The following NOVA1 variants were observed in gnomAD, a reference collection of about 807,000 sequenced individuals.
NOVA1 encodes the protein NOVA alternative splicing regulator 1.
NOVA1 carries 7 observed loss-of-function variants against 38.0 expected under a neutral mutation model. The ratio of observed to expected loss-of-function variants is 0.18; its 90% CI spans 0.10 to 0.35. The LOEUF is 0.35. Ranked by LOEUF, NOVA1 falls within the 10% of genes least tolerant of loss-of-function variation. The pLI is 1.00. For synonymous variants in NOVA1, 270 were observed against 232.5 expected (o/e 1.16, Z -1.47); for missense variants, 460 against 616.0 (o/e 0.75, Z 2.68).
At chr14:26,500,127 T>C (rs1166070118) in intron 2 of NOVA1, among the ~76,000 whole-genome samples, 1 of 152,078 alleles carries the variant, frequency 6.6e-6, no homozygotes, top group African/African-American at 2.4e-5. Context: ...GTCTAGATTA[T>C]GTGTTCTTTC....
At chr14:26,450,847 A>AT (rs1882610699) in intron 4 of NOVA1, among the ~76,000 whole-genome samples, 1 of 152,178 alleles carries the variant, frequency 6.6e-6, no homozygotes, top group Non-Finnish European at 1.5e-5. Context: ...ATATGATTGT[A>AT]TTTTTATGGA....
At chr14:26,596,959 A>AG in intron 1 of NOVA1, 5 of 1,211,098 alleles carry the variant, frequency 4.1e-6, no homozygotes, top group Non-Finnish European at 5.2e-6. Context: ...CTCCGGGGTC[A>AG]TCCTCCTCCT....
At position 26,495,680 on chromosome 14, in the gene NOVA1, C is replaced by T. The variant is rs181107003; in HGVS notation, c.281-15537G>A. On this transcript the variant is annotated intron_variant, in intron 2 of 4. Coordinates refer to ENST00000539517, the MANE Select transcript of NOVA1 (RefSeq NM_002515.3). ...CCCCACAACAGTCCCCAGAGTGTGA[C>T]GTTCCCCTTCCTGTGTCCATGTATT... 2.6e-4 allele frequency among the ~76,000 whole-genome samples: 37 copies of T among 141,782 alleles called. No homozygotes were observed. In the East Asian group the frequency reaches 2.8e-3, roughly 11 times the overall value. The allele number at this position is 141,782 out of a possible 152,430, so 93.0% of individuals were successfully genotyped here.
rs1369837333 is a variant in NOVA1, at chr14:26,597,684, G to A, written c.-248C>T. On this transcript the variant is annotated 5_prime_UTR_variant, in exon 1 of 5. Transcript: ENST00000539517. ...GTCAGAAAGGAGACAGGGGAATGGA[G>A]GGGGTGTGAGAGACGGAGGGTGAAA... 2.5e-6 allele frequency: 3 copies of A among 1,179,130 alleles called. No homozygotes were observed. Among genetic ancestry groups the A allele is most frequent in the Non-Finnish European group, 3.1e-6 (3 of 956,984 alleles). 73.0% of individuals were successfully genotyped at this position (1,179,130 alleles called of 1,614,324 possible).
intron 2 of NOVA1, among the ~76,000 whole-genome samples, chr14:26,586,966 T>C (rs1594586229): frequency 7.0e-6 from 1 of 142,346 alleles, no homozygotes; most frequent in East Asian, 2.0e-4. Flanking sequence ...AGAGAGGAGG[T>C]AAGGACTTAC....
At chr14:26,532,123 C>T (rs905201268) in intron 2 of NOVA1, among the ~76,000 whole-genome samples, 1 of 152,096 alleles carries the variant, frequency 6.6e-6, no homozygotes, top group African/African-American at 2.4e-5. Context: ...ATGACACAAC[C>T]CCTCCTGGTG....
At chr14:26,548,606 G>A (rs911674735) in intron 2 of NOVA1, among the ~76,000 whole-genome samples, 2 of 151,996 alleles carry the variant, frequency 1.3e-5, no homozygotes, top group African/African-American at 4.8e-5. Flanking sequence ...TGTAACAACA[G>A]ACACAGCTGT....
intron 2 of NOVA1, among the ~76,000 whole-genome samples, chr14:26,548,536 C>G (rs1037371212): frequency 8.6e-5 from 13 of 151,862 alleles, no homozygotes; most frequent in African/African-American, 3.1e-4. Flanking sequence ...GATAAAATGT[C>G]ATACTATTGA....
At chr14:26,587,773 A>C (rs1021799377) in intron 2 of NOVA1, among the ~76,000 whole-genome samples, 6 of 151,196 alleles carry the variant, frequency 4.0e-5, no homozygotes, top group Non-Finnish European at 8.9e-5. Flanking sequence ...TAAAAAGAAA[A>C]CAAAAACATG....
chr14:26,449,437 T>G (rs565111749), intron 4 of NOVA1, among the ~76,000 whole-genome samples: 27 of 152,258 alleles, frequency 1.8e-4, no homozygotes, highest in Non-Finnish European at 3.1e-4. Context: ...AGTTCAAGCC[T>G]GAGTCCCTTC....
At chr14:26,460,374 C>G (rs1042928741) in intron 4 of NOVA1, among the ~76,000 whole-genome samples, 1 of 151,902 alleles carries the variant, frequency 6.6e-6, no homozygotes, top group East Asian at 1.9e-4. Flanking sequence ...AGTCACAAAA[C>G]TATATTCTTT....
chr14:26,562,488 A>C (rs1891887098), intron 2 of NOVA1, among the ~76,000 whole-genome samples: 1 of 152,176 alleles, frequency 6.6e-6, no homozygotes, highest in South Asian at 2.1e-4. Flanking sequence ...TCCCTTCTGA[A>C]ACATCACTAA....
intron 2 of NOVA1, among the ~76,000 whole-genome samples, chr14:26,490,093 T>C (rs1886221778): frequency 6.6e-6 from 1 of 152,328 alleles, no homozygotes; most frequent in African/African-American, 2.4e-5. Context: ...ATATTTCGTA[T>C]AAATGGAATC....
chr14:26,448,906 T>C lies in NOVA1; in HGVS notation c.577A>G (p.Thr193Ala). The C allele has an allele frequency of 1.2e-6, 2 of 1,614,120 alleles. No individual in the cohort carries two copies. The highest frequency in any genetic ancestry group is 1.3e-5 in the African/African-American group (1 of 75,038). The change falls in exon 5 of 5, where the codon ACT (threonine) becomes GCT (alanine). Residue 193 changes from threonine (T) to alanine (A), a missense_variant. Physicochemically the swap from Thr to Ala is moderately conservative, Grantham distance 58. Transcript: ENST00000539517. The surrounding 1 kb of genome is among the most constrained non-coding windows in gnomAD (Gnocchi z 5.3). ...GACTGCTCCATTACAGCCTTCACAG[T>C]AGCACCTCCCTTCCCTATTATCAGA... ...AGLIIGKGGA[T>A]VKAVMEQSGA... is the part of the protein sequence containing the mutation.
intron 1 of NOVA1, chr14:26,596,603 AGAT>A: frequency 7.8e-7 from 1 of 1,289,174 alleles, no homozygotes; most frequent in Non-Finnish European, 1.0e-6. Flanking sequence ...TGCATTGTTA[AGAT>A]GATTCCAGTG....
At chr14:26,506,153 TATC>T (rs1354655980) in intron 2 of NOVA1, among the ~76,000 whole-genome samples, 1 of 152,226 alleles carries the variant, frequency 6.6e-6, no homozygotes, top group East Asian at 1.9e-4. Context: ...CAATGTTACT[TATC>T]ATGTCTTAGA....
chr14:26,524,247 AC>A (rs1889135831), intron 2 of NOVA1, among the ~76,000 whole-genome samples: 1 of 152,156 alleles, frequency 6.6e-6, no homozygotes, highest in Non-Finnish European at 1.5e-5. Context: ...ATGGAAGCCA[AC>A]CTGTTTGTGG....
At chr14:26,497,325 T>C (rs550507957) in intron 2 of NOVA1, among the ~76,000 whole-genome samples, 114 of 152,282 alleles carry the variant, frequency 7.5e-4, no homozygotes, top group Middle Eastern at 3.4e-3. Context: ...GAACATTCCA[T>C]GCTCATGGGT....
intron 4 of NOVA1, among the ~76,000 whole-genome samples, chr14:26,466,591 C>A (rs1441146310): frequency 1.3e-5 from 2 of 152,128 alleles, no homozygotes; most frequent in East Asian, 1.9e-4. Flanking sequence ...TAATTCTGCA[C>A]ATGTGAGGAA....
Sources: allele counts gnomAD v4.1 joint callset (sites outside exome capture counted in the v4.1 genomes callset), GRCh38; gene constraint gnomAD v4.1.1; non-coding constraint Gnocchi (gnomAD v3.1); transcripts MANE v1.5; gene names NCBI Gene and HGNC (gene_info 2026-07-23, HGNC 2026-07-21).